The following PCDHGC3 variants were observed in gnomAD, a reference collection of about 807,000 sequenced individuals.
PCDHGC3 encodes the protein protocadherin gamma subfamily C, 3, also known as protocadherin gamma-C3.
Under a neutral mutation model 59.2 loss-of-function variants are expected in PCDHGC3, and 26 were observed. The ratio of observed to expected loss-of-function variants is 0.44; its 90% CI spans 0.32 to 0.61. The LOEUF (loss-of-function observed/expected upper bound fraction) is 0.61, where lower values mean the gene tolerates loss of function less well. Ranked by LOEUF, PCDHGC3 falls within the 20% of genes least tolerant of loss-of-function variation. PCDHGC3 has a pLI of 0.05. For synonymous variants in PCDHGC3, 487 were observed against 519.7 expected (o/e 0.94, Z 0.86); for missense variants, 1,080 against 1,221.8 (o/e 0.88, Z 1.73).
At position 141,487,510 on chromosome 5, in the gene PCDHGC3, C is replaced by A; in HGVS notation, c.2431-7297C>A. On this transcript the variant is annotated intron_variant, in intron 1 of 3. Transcript: ENST00000308177. The surrounding 1 kb of genome is among the most constrained non-coding windows in gnomAD (Gnocchi z 5.0). ...GCTGTACACCCTTGGCTTCTGCACC[C>A]ACTCGGAGTGATAGCTTCATGATGG... is the stretch of plus-strand genomic sequence containing the variant. The A allele has an allele frequency of 6.2e-7, 1 of 1,614,210 alleles. No homozygotes were observed. Among genetic ancestry groups the A allele is most frequent in the Non-Finnish European group, 8.5e-7 (1 of 1,180,042 alleles).
rs200117787 is a variant in PCDHGC3, at chr5:141,477,443, G to T, written c.1327G>T (p.Val443Leu). ...GTPSLSALTI[V>L]RVQVSDINDN... ...CCCTTCCCTCTCAGCCCTTACAATA[G>T]TGCGTGTTCAAGTGTCCGACATCAA... The change falls in exon 1 of 4, where the codon GTG (valine) becomes TTG (leucine). Residue 443 changes from valine (V) to leucine (L), a missense_variant. Coordinates refer to ENST00000308177, the MANE Select transcript of PCDHGC3 (RefSeq NM_002588.4). This position sits in a 1 kb window ranked among gnomAD's most constrained non-coding sequence, Gnocchi z 4.9. The T allele has an allele frequency of 1.7e-5, 28 of 1,614,136 alleles. No homozygotes were observed. In the East Asian group the frequency reaches 6.2e-4, roughly 36 times the overall value.
chr5:141,497,211 G>C (rs914346878), intron 2 of PCDHGC3, among the ~76,000 whole-genome samples: 19 of 28,538 alleles, frequency 6.7e-4, no homozygotes, highest in African/African-American at 2.3e-3. Flanking sequence ...GAGTGTAATG[G>C]GGGGGGGAAG....
In PCDHGC3 at chr5:141,486,890, G is replaced by T; in HGVS notation, c.2431-7917G>T. On this transcript the variant is annotated intron_variant, in intron 1 of 3. Coordinates refer to ENST00000308177, the MANE Select transcript of PCDHGC3 (RefSeq NM_002588.4). The surrounding 1 kb of genome is among the most constrained non-coding windows in gnomAD (Gnocchi z 5.0). ...TGTGCTCCGTCCTCGGGCCCGGCCT[G>T]GTTCCTTATGTCCCCAAGCACTGCC... 6.2e-7 allele frequency: 1 copy of T among 1,614,242 alleles called. No individual in the cohort carries two copies. The highest frequency in any genetic ancestry group is 8.5e-7 in the Non-Finnish European group (1 of 1,180,048).
intron 1 of PCDHGC3, among the ~76,000 whole-genome samples, chr5:141,483,547 G>A (rs1202182188): frequency 6.6e-6 from 1 of 152,140 alleles, no homozygotes. Context: ...GGTTGACAGT[G>A]CCATTCACAG....
intron 2 of PCDHGC3, among the ~76,000 whole-genome samples, chr5:141,495,601 G>A (rs1315613802): frequency 3.3e-5 from 5 of 152,004 alleles, no homozygotes; most frequent in South Asian, 2.1e-4. Context: ...CTTAGCTTCC[G>A]TCTTGATTGC....
Position 141,478,489 on chromosome 5 carries a change from C to G in PCDHGC3, c.2373C>G (p.Ser791Arg), listed in dbSNP as rs779457709. Residue 791 changes from serine (S) to arginine (R), a missense_variant, in exon 1 of 4, where the codon AGC becomes AGG. Ser to Arg is a moderately radical substitution (Grantham distance 110). Coordinates refer to ENST00000308177, the MANE Select transcript of PCDHGC3 (RefSeq NM_002588.4). ...CCAGCCGCCAGAACACGCTGCGGAG[C>G]TGTGATCCGGTGTTCTATAGGCAGG... Reference protein sequence around the residue: ...PLASRQNTLRSCDPVFYRQVL... With the variant: ...PLASRQNTLRRCDPVFYRQVL... 5.6e-6 allele frequency: 9 copies of G among 1,613,162 alleles called. No individual in the cohort carries two copies. Among genetic ancestry groups the G allele is most frequent in the Middle Eastern group, 1.6e-4 (1 of 6,084 alleles).
In PCDHGC3 at chr5:141,476,087, C is replaced by T. The variant is rs758610836; in HGVS notation, c.-30C>T. The stretch of plus-strand genomic sequence containing the variant: ...AGCGAAATCTCAGGGACGATCTGGA[C>T]CCCGCTGAGAGGAACTGCTTTTGAG... On this transcript the variant is annotated 5_prime_UTR_variant, in exon 1 of 4. Coordinates refer to ENST00000308177, the MANE Select transcript of PCDHGC3 (RefSeq NM_002588.4). This position sits in a 1 kb window ranked among gnomAD's most constrained non-coding sequence, Gnocchi z 7.6. 9 of 1,553,656 alleles carry T rather than the reference C, an allele frequency of 5.8e-6. No individual in the cohort carries two copies. The South Asian group carries it at 1.1e-4, about 19-fold the overall frequency.
chr5:141,477,253 G>A lies in PCDHGC3; in HGVS notation c.1137G>A (p.Leu379=), dbSNP rs1303718568. The A allele has an allele frequency of 1.9e-6, 3 of 1,614,154 alleles. No individual in the cohort carries two copies. The highest frequency in any genetic ancestry group is 2.2e-5 in the South Asian group (2 of 91,070). Reference sequence around the variant, plus strand: ...TCGCTTTGCTCAGTGTGACTGACCTGGATGCTGGCGAGAACGGGCTGGTGA... The same window carrying A: ...TCGCTTTGCTCAGTGTGACTGACCTAGATGCTGGCGAGAACGGGCTGGTGA... ...TVIALLSVTD[L]DAGENGLVTC... is the part of the protein sequence containing the mutation. The change falls in exon 1 of 4, where the codon CTG becomes CTA. Residue 379 remains leucine, a synonymous_variant. Transcript: ENST00000308177. This position sits in a 1 kb window ranked among gnomAD's most constrained non-coding sequence, Gnocchi z 4.9.
At chr5:141,492,091 C>A (rs930375969) in intron 1 of PCDHGC3, among the ~76,000 whole-genome samples, 1 of 152,242 alleles carries the variant, frequency 6.6e-6, no homozygotes, top group South Asian at 2.1e-4. Flanking sequence ...CACGCTTCGC[C>A]GGTCTGTAGA....
intron 1 of PCDHGC3, among the ~76,000 whole-genome samples, chr5:141,492,670 C>T (rs567661944): frequency 6.6e-6 from 1 of 152,344 alleles, no homozygotes; most frequent in South Asian, 2.1e-4. Context: ...CCCGGGACTC[C>T]GTCTCAAGGG....
In PCDHGC3 at chr5:141,490,175, A is replaced by C; in HGVS notation, c.2431-4632A>C. The C allele has an allele frequency of 1.9e-6, 3 of 1,614,194 alleles. No homozygotes were observed. Among genetic ancestry groups the C allele is most frequent in the East Asian group, 4.5e-5 (2 of 44,884 alleles). On this transcript the variant is annotated intron_variant, in intron 1 of 3. Coordinates refer to ENST00000308177, the MANE Select transcript of PCDHGC3 (RefSeq NM_002588.4). This position sits in a 1 kb window ranked among gnomAD's most constrained non-coding sequence, Gnocchi z 5.4. ...GTGTTGGGTCCCATAGACTTTGAGG[A>C]GTCACGTTTCTATGAAATTCATGCA...
chr5:141,498,673 T>C (rs1158071657), intron 2 of PCDHGC3, among the ~76,000 whole-genome samples: 1 of 152,180 alleles, frequency 6.6e-6, no homozygotes, highest in Non-Finnish European at 1.5e-5. Flanking sequence ...GGCTCACGCC[T>C]GTAATCCCAG....
At position 141,491,251 on chromosome 5, in the gene PCDHGC3, C is replaced by A; in HGVS notation, c.2431-3556C>A. On this transcript the variant is annotated intron_variant, in intron 1 of 3. Coordinates refer to ENST00000308177, the MANE Select transcript of PCDHGC3 (RefSeq NM_002588.4). This position sits in a 1 kb window ranked among gnomAD's most constrained non-coding sequence, Gnocchi z 6.9. ...GCTGCTGGTTCTGGAGGATGAGGAC[C>A]CTGAGGAAATGCCCAAATCCAGTGA... 6.2e-7 allele frequency: 1 copy of A among 1,614,144 alleles called. No homozygotes were observed. Among genetic ancestry groups the A allele is most frequent in the Non-Finnish European group, 8.5e-7 (1 of 1,180,016 alleles).
rs1049831420 is a variant in PCDHGC3 at position 141,486,549 on chromosome 5, C to T, written c.2430+8003C>T. ...AATCCACCCTCTTTCTTTCAGAGGTCACATGAGGTGTTTGTTCCTGAGAAC... is the reference window on the plus strand; with the variant it reads ...AATCCACCCTCTTTCTTTCAGAGGTTACATGAGGTGTTTGTTCCTGAGAAC... On this transcript the variant is annotated intron_variant, in intron 1 of 3. Coordinates refer to ENST00000308177, the MANE Select transcript of PCDHGC3 (RefSeq NM_002588.4). This position sits in a 1 kb window ranked among gnomAD's most constrained non-coding sequence, Gnocchi z 5.0. The T allele has an allele frequency of 3.1e-6, 5 of 1,613,982 alleles. No individual in the cohort carries two copies. In the African/African-American group the frequency reaches 4.0e-5, roughly 13 times the overall value.
Position 141,493,022 on chromosome 5 carries a change from G to T in PCDHGC3, c.2431-1785G>T, listed in dbSNP as rs1184742888. ...GCTATAGGCTCTGCCAGATGCCAGG[G>T]TGCCCTTATGTGTGAGGAAACTACA... On this transcript the variant is annotated intron_variant, in intron 1 of 3. Transcript: ENST00000308177. The surrounding 1 kb of genome is among the most constrained non-coding windows in gnomAD (Gnocchi z 4.3). Among the ~76,000 whole-genome samples the T allele has an allele frequency of 1.3e-5, 2 of 152,222 alleles. No individual in the cohort carries two copies. Among genetic ancestry groups the T allele is most frequent in the Admixed American group, 1.3e-4 (2 of 15,282 alleles).
At position 141,491,422 on chromosome 5, in the gene PCDHGC3, G is replaced by T. The variant is rs1413549196; in HGVS notation, c.2431-3385G>T. 1 of 1,614,112 alleles carries T rather than the reference G, an allele frequency of 6.2e-7. No homozygotes were observed. The stretch of plus-strand genomic sequence containing the variant: ...AAACGCAGACGGGGACGGGGGTGGA[G>T]GGCAGTGCTGCAGGCGCCAGGACTC... On this transcript the variant is annotated intron_variant, in intron 1 of 3. Coordinates refer to ENST00000308177, the MANE Select transcript of PCDHGC3 (RefSeq NM_002588.4). The surrounding 1 kb of genome is among the most constrained non-coding windows in gnomAD (Gnocchi z 6.9).
intron 2 of PCDHGC3, among the ~76,000 whole-genome samples, chr5:141,503,222 G>A (rs540244346): frequency 2.2e-4 from 34 of 152,120 alleles, no homozygotes; most frequent in African/African-American, 7.7e-4. Context: ...CATGAGCACC[G>A]TAAAGATGGA....
In PCDHGC3 at chr5:141,476,238, G is replaced by A; in HGVS notation, c.122G>A (p.Arg41Lys). The A allele has an allele frequency of 1.2e-6, 2 of 1,614,098 alleles. No individual in the cohort carries two copies. ...ATTCACTATGAGATCCCGGAGGAAAGAGAGAAGGGTTTCGCTGTGGGCAAC... is the reference window on the plus strand; with the variant it reads ...ATTCACTATGAGATCCCGGAGGAAAAAGAGAAGGGTTTCGCTGTGGGCAAC... Reference protein sequence around the residue: ...TVIHYEIPEEREKGFAVGNVV... With the variant: ...TVIHYEIPEEKEKGFAVGNVV... Residue 41 changes from arginine (R) to lysine (K), a missense_variant, in exon 1 of 4, where the codon AGA becomes AAA. Coordinates refer to ENST00000308177, the MANE Select transcript of PCDHGC3 (RefSeq NM_002588.4). The surrounding 1 kb of genome is among the most constrained non-coding windows in gnomAD (Gnocchi z 7.6).
chr5:141,488,131 G>A (rs2099672034), intron 1 of PCDHGC3, among the ~76,000 whole-genome samples: 1 of 152,202 alleles, frequency 6.6e-6, no homozygotes, highest in Non-Finnish European at 1.5e-5. Context: ...GCAGAAAGAG[G>A]AGAGAACTAA....
Sources: allele counts gnomAD v4.1 joint callset (sites outside exome capture counted in the v4.1 genomes callset), GRCh38; gene constraint gnomAD v4.1.1; non-coding constraint Gnocchi (gnomAD v3.1); transcripts MANE v1.5; gene names NCBI Gene and HGNC (gene_info 2026-07-23, HGNC 2026-07-21).